Variants in FMNL2 observed in about 807,000 individuals in gnomAD.
The protein encoded by FMNL2 is formin like 2.
Under a neutral mutation model 130.2 loss-of-function variants are expected in FMNL2, and 51 were observed. The observed-to-expected ratio is 0.39, with a 90% CI of 0.31 to 0.49. FMNL2 has a LOEUF of 0.49. Ranked by LOEUF, FMNL2 falls within the 20% of genes least tolerant of loss-of-function variation. The pLI is 0.85. For synonymous variants in FMNL2, 465 were observed against 467.1 expected (o/e 1.00, Z 0.06); for missense variants, 977 against 1,316.2 (o/e 0.74, Z 3.99).
chr2:152,526,929 C>T (rs1693422809), intron 2 of FMNL2, among the ~76,000 whole-genome samples: 1 of 151,598 alleles, frequency 6.6e-6, no homozygotes, highest in Admixed American at 6.6e-5. Flanking sequence ...CTCCTGTTGT[C>T]CAGTTTATTG....
In FMNL2 at chr2:152,414,679, A is replaced by G. The variant is rs561951262; in HGVS notation, c.117+78959A>G. ...CATCTGGAGAGTTCGAGGCCATTTTAGCTGGAGAGTTCGAGCTGGAGAGTT... is the reference window on the plus strand; with the variant it reads ...CATCTGGAGAGTTCGAGGCCATTTTGGCTGGAGAGTTCGAGCTGGAGAGTT... On this transcript the variant is annotated intron_variant, in intron 1 of 25. Coordinates refer to ENST00000288670, the MANE Select transcript of FMNL2 (RefSeq NM_052905.4). Among the ~76,000 whole-genome samples, 7 of 152,244 alleles carry G rather than the reference A, an allele frequency of 4.6e-5. No homozygotes were observed. The East Asian group carries it at 1.4e-3, about 29-fold the overall frequency.
At chr2:152,452,765 CCGATGGGGAGGGCTGT>C (rs539275332) in intron 1 of FMNL2, among the ~76,000 whole-genome samples, 22 of 147,454 alleles carry the variant, frequency 1.5e-4, no homozygotes, top group African/African-American at 3.4e-4. Context: ...TGTCGAGGGC[CCGATGGGGAGGGCTGT>C]CGATGGGGAG....
At chr2:152,375,877 C>CTATATATATATA (rs61564333) in intron 1 of FMNL2, among the ~76,000 whole-genome samples, 87 of 112,466 alleles carry the variant, frequency 7.7e-4, no homozygotes, top group African/African-American at 2.5e-3. Flanking sequence ...CTCTCTCTCT[C>CTATATATATATA]TATATATATA....
rs542678412 is a variant in FMNL2, at chr2:152,530,614, A to G, written c.201+8588A>G. Among the ~76,000 whole-genome samples the G allele has an allele frequency of 2.0e-5, 3 of 152,370 alleles. No homozygotes were observed. The East Asian group carries it at 5.8e-4, about 29-fold the overall frequency. ...AGAAAATATTATGCTGAATGTTTCA[A>G]AACAAGGTTGAAAAAAGATACATAC... On this transcript the variant is annotated intron_variant, in intron 2 of 25. Coordinates refer to ENST00000288670, the MANE Select transcript of FMNL2 (RefSeq NM_052905.4).
chr2:152,632,145 A>G lies in FMNL2; in HGVS notation c.2680+8A>G. On this transcript the variant is annotated splice_region_variant and intron_variant, in intron 21 of 25. Transcript: ENST00000288670. The stretch of plus-strand genomic sequence containing the variant: ...TGGAAAAAGCTGCTGCAGGTACTTG[A>G]TTTCAGCTATTACCGTTCGTCTTGG... 1 of 1,608,816 alleles carries G rather than the reference A, an allele frequency of 6.2e-7. No individual in the cohort carries two copies. The highest frequency in any genetic ancestry group is 1.7e-5 in the Admixed American group (1 of 59,278).
At chr2:152,563,648 T>G (rs1246713615) in intron 6 of FMNL2, among the ~76,000 whole-genome samples, 1 of 152,134 alleles carries the variant, frequency 6.6e-6, no homozygotes, top group Non-Finnish European at 1.5e-5. Context: ...CCCCTTTCTT[T>G]CTCTTCTCCA....
intron 25 of FMNL2, chr2:152,643,835 A>C: frequency 1.0e-6 from 1 of 985,482 alleles, no homozygotes; most frequent in Non-Finnish European, 1.2e-6. Context: ...TTTGAGAATC[A>C]GTATTGGTAC....
intron 1 of FMNL2, among the ~76,000 whole-genome samples, chr2:152,395,915 G>A (rs952258229): frequency 6.6e-6 from 1 of 151,818 alleles, no homozygotes; most frequent in African/African-American, 2.4e-5. Context: ...GGGCGGGGCG[G>A]CGGCAGGCAA....
chr2:152,626,091 G>A (rs1681765604), intron 16 of FMNL2, among the ~76,000 whole-genome samples: 1 of 152,020 alleles, frequency 6.6e-6, no homozygotes, highest in Admixed American at 6.6e-5. Flanking sequence ...AGGCTGGAAT[G>A]CAGTGGCGCA....
intron 3 of FMNL2, among the ~76,000 whole-genome samples, chr2:152,546,901 G>A (rs1694674859): frequency 6.6e-6 from 1 of 151,472 alleles, no homozygotes. Context: ...AGTTTAAAGA[G>A]AGAGAATACC....
intron 4 of FMNL2, among the ~76,000 whole-genome samples, chr2:152,554,127 T>C (rs1171711554): frequency 2.0e-5 from 3 of 152,214 alleles, no homozygotes; most frequent in East Asian, 3.8e-4. Flanking sequence ...TTAAAATCCA[T>C]TGGCCAGGTG....
Position 152,392,677 on chromosome 2 carries a change from T to G in FMNL2, c.117+56957T>G, listed in dbSNP as rs1685181652. ...GAGAAGCCATCATGGCTTAATCACC[T>G]TTAAAGGCTCCACTTGTAAATACCA... On this transcript the variant is annotated intron_variant, in intron 1 of 25. Transcript: ENST00000288670. Among the ~76,000 whole-genome samples the G allele has an allele frequency of 2.6e-5, 4 of 152,170 alleles. No individual in the cohort carries two copies. The South Asian group carries it at 8.3e-4, about 32-fold the overall frequency.
intron 9 of FMNL2, among the ~76,000 whole-genome samples, chr2:152,601,916 T>A (rs894819030): frequency 6.6e-6 from 1 of 151,478 alleles, no homozygotes; most frequent in African/African-American, 2.4e-5. Context: ...GTGATCCACC[T>A]GTCTCGGCCT....
At chr2:152,598,886 G>T (rs758385597) in intron 9 of FMNL2, among the ~76,000 whole-genome samples, 2 of 152,182 alleles carry the variant, frequency 1.3e-5, no homozygotes, top group Non-Finnish European at 2.9e-5. Flanking sequence ...TCCATGCTAC[G>T]CATCTGTAAG....
At chr2:152,352,276 TA>T (rs1358023341) in intron 1 of FMNL2, among the ~76,000 whole-genome samples, 1 of 152,226 alleles carries the variant, frequency 6.6e-6, no homozygotes, top group African/African-American at 2.4e-5. Context: ...TGTATTTCTT[TA>T]ATCGTTTCAG....
intron 1 of FMNL2, among the ~76,000 whole-genome samples, chr2:152,448,995 G>A (rs746774813): frequency 6.6e-5 from 10 of 152,196 alleles, no homozygotes; most frequent in Non-Finnish European, 1.5e-4. Context: ...CCATGTTGAA[G>A]CCTCTAATGT....
At chr2:152,425,693 G>A (rs1204278722) in intron 1 of FMNL2, among the ~76,000 whole-genome samples, 1 of 152,040 alleles carries the variant, frequency 6.6e-6, no homozygotes, top group Non-Finnish European at 1.5e-5. Flanking sequence ...TGTGAAACAT[G>A]CCCCAAACAC....
chr2:152,390,534 A>G, intron 1 of FMNL2: 3 of 1,538,720 alleles, frequency 1.9e-6, no homozygotes, highest in Non-Finnish European at 2.7e-6. Context: ...ACAGAAGTCC[A>G]TGGGGCTGCC....
intron 11 of FMNL2, 142 bp from the exon 12 acceptor site, chr2:152,614,709 C>G: frequency 1.3e-6 from 1 of 776,842 alleles, no homozygotes; most frequent in East Asian, 3.0e-5. Context: ...TACCATTCCA[C>G]TCCAGCCTGG....
Sources: gnomAD v4.1 joint callset for allele counts (sites outside exome capture counted in the v4.1 genomes callset) on GRCh38, gnomAD v4.1.1 for gene constraint, MANE v1.5 for transcripts, NCBI Gene and HGNC (gene_info 2026-07-23, HGNC 2026-07-21) for gene names.